The following PEX13 variants were observed in gnomAD, a reference collection of about 807,000 sequenced individuals.
PEX13 encodes the protein peroxisomal biogenesis factor 13.
In PEX13, 28 loss-of-function variants were observed where a neutral mutation model predicts 34.5. The ratio of observed to expected loss-of-function variants is 0.81; its 90% CI spans 0.60 to 1.11. The LOEUF is 1.11. Ranked by LOEUF, PEX13 falls within the 50% of genes most tolerant of loss-of-function variation. PEX13 has a pLI of 0.00. For missense variants in PEX13, 550 were observed against 491.0 expected (o/e 1.12, Z -1.13); for synonymous variants, 177 against 175.1 (o/e 1.01, Z -0.09).
intron 1 of PEX13, among the ~76,000 whole-genome samples, chr2:61,023,704 A>G (rs926988826): frequency 6.7e-6 from 1 of 149,372 alleles, no homozygotes; most frequent in Non-Finnish European, 1.5e-5. Context: ...CAACATTGTC[A>G]TCAAGGGACC....
chr2:61,037,482 C>G (rs750339120), intron 2 of PEX13, among the ~76,000 whole-genome samples: 7 of 152,206 alleles, frequency 4.6e-5, no homozygotes, highest in Non-Finnish European at 8.8e-5. Context: ...AACCACACAA[C>G]TACATAGAGA....
At chr2:61,019,833 T>G (rs1680219158) in intron 1 of PEX13, among the ~76,000 whole-genome samples, 1 of 152,216 alleles carries the variant, frequency 6.6e-6, no homozygotes, top group Non-Finnish European at 1.5e-5. Flanking sequence ...CTCTTTACAC[T>G]TAGTCCTTTA....
chr2:61,027,757 CTGTT>C (rs899381126), intron 1 of PEX13, among the ~76,000 whole-genome samples: 5 of 152,086 alleles, frequency 3.3e-5, no homozygotes, highest in South Asian at 2.1e-4. Flanking sequence ...TAGATAATGT[CTGTT>C]TGTTTGTCTC....
intron 3 of PEX13, among the ~76,000 whole-genome samples, chr2:61,046,816 G>C (rs946438609): frequency 6.6e-6 from 1 of 151,780 alleles, no homozygotes; most frequent in African/African-American, 2.4e-5. Context: ...CCTTTTTTTG[G>C]TTTTAGTCAT....
At chr2:61,032,639 T>C (rs1471910608) in intron 2 of PEX13, among the ~76,000 whole-genome samples, 1 of 152,216 alleles carries the variant, frequency 6.6e-6, no homozygotes, top group Non-Finnish European at 1.5e-5. Context: ...TAGGGTCACA[T>C]CTTTAATAAG....
In PEX13 at chr2:61,017,765, G is replaced by T. The variant is rs573461186; in HGVS notation, c.6G>T (p.Ala2=). 1.9e-6 allele frequency: 3 copies of T among 1,549,400 alleles called. No homozygotes were observed. Among genetic ancestry groups the T allele is most frequent in the Non-Finnish European group, 2.6e-6 (3 of 1,146,700 alleles). The part of the protein sequence containing the change: M[A]SQPPPPPKPW... ...GCCGAGAGGAGGCGGAGGAGATGGCGTCCCAGCCGCCACCTCCCCCCAAAC... is the reference window on the plus strand; with the variant it reads ...GCCGAGAGGAGGCGGAGGAGATGGCTTCCCAGCCGCCACCTCCCCCCAAAC... The change falls in exon 1 of 4, where the codon GCG becomes GCT. Residue 2 remains alanine, a synonymous_variant. Transcript: ENST00000295030.
rs944459371 is a variant in PEX13, at chr2:61,038,858, C to T, written c.787+6745C>T. On this transcript the variant is annotated intron_variant, in intron 2 of 3. Coordinates refer to ENST00000295030, the MANE Select transcript of PEX13 (RefSeq NM_002618.4). ...ACATGGTTGTATATTTAGAAAACCC[C>T]ATTGTGTCAGCCCAAAATCTCCTTA... Among the ~76,000 whole-genome samples the T allele has an allele frequency of 7.9e-5, 12 of 152,302 alleles. No homozygotes were observed. In the South Asian group the frequency reaches 1.9e-3, roughly 24 times the overall value.
intron 1 of PEX13, among the ~76,000 whole-genome samples, chr2:61,029,458 C>T (rs1680413753): frequency 6.6e-6 from 1 of 152,122 alleles, no homozygotes; most frequent in African/African-American, 2.4e-5. Flanking sequence ...TATAGAGTTT[C>T]CATATAACCC....
chr2:61,023,651 C>T (rs1197555265), intron 1 of PEX13, among the ~76,000 whole-genome samples: 1 of 151,450 alleles, frequency 6.6e-6, no homozygotes, highest in Non-Finnish European at 1.5e-5. Flanking sequence ...ACTATTAAGA[C>T]ATTTATTGTT....
chr2:61,031,019 G>A (rs754563528), intron 1 of PEX13, among the ~76,000 whole-genome samples: 4 of 152,208 alleles, frequency 2.6e-5, no homozygotes, highest in Non-Finnish European at 5.9e-5. Context: ...CCTGGGCACA[G>A]TGGCTCACAC....
intron 1 of PEX13, among the ~76,000 whole-genome samples, chr2:61,026,653 AC>A (rs1680360753): frequency 6.6e-6 from 1 of 151,756 alleles, no homozygotes; most frequent in African/African-American, 2.4e-5. Context: ...GCCTGTGGCC[AC>A]CTTTTCTAAG....
rs139768904 is a variant in PEX13, at chr2:61,018,607, G to A, written c.92+756G>A. ...GTGCTGGACATCTTAATTCAGATAG[G>A]TGTGATTCAAATGTCAAATCACCTA... On this transcript the variant is annotated intron_variant, in intron 1 of 3. Coordinates refer to ENST00000295030, the MANE Select transcript of PEX13 (RefSeq NM_002618.4). The A allele has an allele frequency of 5.5e-4, 104 of 189,390 alleles. 1 individual carries two copies. The highest frequency in any genetic ancestry group is 2.4e-3 in the African/African-American group (103 of 42,982). 11.7% of individuals were successfully genotyped at this position (189,390 alleles called of 1,614,324 possible).
At chr2:61,022,617 C>G (rs1680283437) in intron 1 of PEX13, among the ~76,000 whole-genome samples, 1 of 152,104 alleles carries the variant, frequency 6.6e-6, no homozygotes. Flanking sequence ...ATTTGTAATC[C>G]TAGCATTTTG....
chr2:61,020,006 G>A (rs1455987802), intron 1 of PEX13, among the ~76,000 whole-genome samples: 2 of 152,102 alleles, frequency 1.3e-5, no homozygotes, highest in Non-Finnish European at 2.9e-5. Context: ...GGCAGATCAC[G>A]AGGTCAGGAG....
chr2:61,020,152 C>A (rs1019405649), intron 1 of PEX13, among the ~76,000 whole-genome samples: 1 of 152,032 alleles, frequency 6.6e-6, no homozygotes, highest in Admixed American at 6.6e-5. Flanking sequence ...CGTGAACCCA[C>A]GAGGCGGAGC....
At chr2:61,043,297 C>T (rs1480177028) in intron 2 of PEX13, among the ~76,000 whole-genome samples, 1 of 145,678 alleles carries the variant, frequency 6.9e-6, no homozygotes, top group Non-Finnish European at 1.5e-5. Context: ...GAGATGGAGA[C>T]CATCCTGGCT....
chr2:61,018,282 G>A (rs2104790541), intron 1 of PEX13: 1 of 1,550,628 alleles, frequency 6.4e-7, no homozygotes, highest in African/African-American at 1.4e-5. Flanking sequence ...CTCTCGAGAA[G>A]TTGCTGAAAG....
chr2:61,035,331 A>G (rs958812303), intron 2 of PEX13, among the ~76,000 whole-genome samples: 3 of 152,224 alleles, frequency 2.0e-5, no homozygotes, highest in Non-Finnish European at 2.9e-5. Flanking sequence ...TGCCAACATC[A>G]AAGACCAAAG....
chr2:61,022,133 C>T (rs1231813631), intron 1 of PEX13, among the ~76,000 whole-genome samples: 2 of 152,180 alleles, frequency 1.3e-5, no homozygotes, highest in Admixed American at 6.5e-5. Context: ...TCCAAAGGAT[C>T]GCAGCTCCTT....
Sources: gnomAD v4.1 joint callset for allele counts (sites outside exome capture counted in the v4.1 genomes callset) on GRCh38, gnomAD v4.1.1 for gene constraint, MANE v1.5 for transcripts, NCBI Gene and HGNC (gene_info 2026-07-23, HGNC 2026-07-21) for gene names.